The following IQCM variants were observed in gnomAD, a reference collection of about 807,000 sequenced individuals.
IQCM encodes the protein IQ motif containing M.
A neutral mutation model predicts 57.6 loss-of-function variants in IQCM; 45 were observed. The ratio of observed to expected loss-of-function variants is 0.78; its 90% CI spans 0.62 to 1.00. The LOEUF is 1.00. Ranked by LOEUF, IQCM falls within the 50% of genes least tolerant of loss-of-function variation. IQCM has a pLI of 0.00. For synonymous variants in IQCM, 148 were observed against 158.9 expected, an observed-to-expected ratio of 0.93 and a Z score of 0.51; for missense variants, 468 against 511.6, an observed-to-expected ratio of 0.91 and a Z score of 0.82.
chr4:149,580,473 C>T (rs1455571884), intron 9 of IQCM, among the ~76,000 whole-genome samples: 1 of 151,706 alleles, frequency 6.6e-6, no homozygotes, highest in Non-Finnish European at 1.5e-5. Flanking sequence ...TCATGCTAAA[C>T]TCATTTTCTT....
chr4:149,660,119 T>A (rs1438446783), intron 7 of IQCM, among the ~76,000 whole-genome samples: 2 of 150,752 alleles, frequency 1.3e-5, no homozygotes, highest in Non-Finnish European at 3.0e-5. Context: ...TACAATGAAC[T>A]CAAACAAATT....
intron 13 of IQCM, among the ~76,000 whole-genome samples, chr4:149,359,167 C>T (rs553661717): frequency 6.6e-6 from 1 of 151,788 alleles, no homozygotes; most frequent in South Asian, 2.1e-4. Context: ...CTCGTTGGTC[C>T]CCAAGAACAA....
rs1428449299 is a variant in IQCM at position 149,502,000 on chromosome 4, C to T, written c.1228+46455G>A. ...ACTTCCTATAACTTTAGCTCCCTCT[C>T]GATTCACCTTAGGCTCATACACCAC... On this transcript the variant is annotated intron_variant, in intron 12 of 13. Coordinates refer to ENST00000636793, the MANE Select transcript of IQCM (RefSeq NM_001363507.2). Among the ~76,000 whole-genome samples, 7 of 152,102 alleles carry T rather than the reference C, an allele frequency of 4.6e-5. No homozygotes were observed. The South Asian group carries it at 8.3e-4, about 18-fold the overall frequency.
At chr4:149,696,524 A>G (rs181361312) in intron 5 of IQCM, among the ~76,000 whole-genome samples, 1 of 152,304 alleles carries the variant, frequency 6.6e-6, no homozygotes, top group African/African-American at 2.4e-5. Flanking sequence ...TACACCAAAG[A>G]CACCAAAACT....
chr4:149,562,607 G>C (rs2149935040), intron 10 of IQCM, among the ~76,000 whole-genome samples: 1 of 152,250 alleles, frequency 6.6e-6, no homozygotes, highest in East Asian at 1.9e-4. Flanking sequence ...CCAGCTGTTT[G>C]ACTTTGGGCA....
At chr4:149,624,365 T>A (rs1431858934) in intron 7 of IQCM, among the ~76,000 whole-genome samples, 1 of 152,220 alleles carries the variant, frequency 6.6e-6, no homozygotes, top group African/African-American at 2.4e-5. Context: ...CCCCTCACTT[T>A]CTAGCATCAT....
chr4:149,443,965 G>A (rs138064269), intron 12 of IQCM, among the ~76,000 whole-genome samples: 1 of 151,946 alleles, frequency 6.6e-6, no homozygotes, highest in East Asian at 1.9e-4. Context: ...AGGGGAGATT[G>A]ATAATTCAGG....
intron 7 of IQCM, among the ~76,000 whole-genome samples, chr4:149,622,247 C>G (rs1262802633): frequency 6.6e-6 from 1 of 151,998 alleles, no homozygotes; most frequent in Non-Finnish European, 1.5e-5. Context: ...CCATTTCAGT[C>G]AAGAGTCTCT....
chr4:149,797,112 C>T (rs1406832025), intron 2 of IQCM, among the ~76,000 whole-genome samples: 1 of 152,030 alleles, frequency 6.6e-6, no homozygotes, highest in South Asian at 2.1e-4. Flanking sequence ...GATAGGTGAC[C>T]TTTCAGACAG....
At chr4:149,615,088 T>G (rs1755668828) in intron 8 of IQCM, among the ~76,000 whole-genome samples, 1 of 152,196 alleles carries the variant, frequency 6.6e-6, no homozygotes, top group African/African-American at 2.4e-5. Context: ...ATAAGTGCAT[T>G]GATTGTCACG....
intron 12 of IQCM, among the ~76,000 whole-genome samples, chr4:149,471,250 G>A (rs1254263617): frequency 6.6e-6 from 1 of 151,796 alleles, no homozygotes; most frequent in Non-Finnish European, 1.5e-5. Context: ...AAAGAGAGAA[G>A]AATCAAATAG....
At chr4:149,712,286 C>T (rs1179112912) in intron 5 of IQCM, among the ~76,000 whole-genome samples, 1 of 152,094 alleles carries the variant, frequency 6.6e-6, no homozygotes, top group Non-Finnish European at 1.5e-5. Context: ...CTGTTTTGCA[C>T]CGGACAGTGA....
In IQCM at chr4:149,433,390, T is replaced by C. The variant is rs988378397; in HGVS notation, c.1390+6A>G. 4 of 1,188,526 alleles carry C rather than the reference T, an allele frequency of 3.4e-6. No homozygotes were observed. The highest frequency in any genetic ancestry group is 4.2e-6 in the Non-Finnish European group (4 of 948,748). The allele number at this position is 1,188,526 out of a possible 1,614,324, so 73.6% of individuals were successfully genotyped here. A position where few individuals can be genotyped will look rare whatever the true frequency, so the allele number is the denominator to read the frequency against. The stretch of plus-strand genomic sequence containing the variant: ...TTACAATAAAAAATAAGGTTCAATA[T>C]CTTACCTATATATCTATAACCTTCT... On this transcript the variant is annotated splice_donor_region_variant and intron_variant, in intron 13 of 13. Coordinates refer to ENST00000636793, the MANE Select transcript of IQCM (RefSeq NM_001363507.2).
intron 2 of IQCM, among the ~76,000 whole-genome samples, chr4:149,787,401 C>T (rs1772174456): frequency 6.6e-6 from 1 of 151,790 alleles, no homozygotes; most frequent in South Asian, 2.1e-4. Context: ...CCTAAATATC[C>T]AAGCTGGAGG....
At chr4:149,491,189 T>C (rs1742057693) in intron 12 of IQCM, among the ~76,000 whole-genome samples, 2 of 152,102 alleles carry the variant, frequency 1.3e-5, no homozygotes, top group South Asian at 4.1e-4. Flanking sequence ...AAAAAAATTG[T>C]ACATATTGTG....
chr4:149,380,467 T>C (rs1212339440), intron 13 of IQCM, among the ~76,000 whole-genome samples: 1 of 152,150 alleles, frequency 6.6e-6, no homozygotes, highest in Admixed American at 6.6e-5. Flanking sequence ...ATTTTGCTCA[T>C]AATTATTGTC....
At chr4:149,801,229 G>A (rs1773575023) in intron 2 of IQCM, among the ~76,000 whole-genome samples, 2 of 151,758 alleles carry the variant, frequency 1.3e-5, no homozygotes, top group African/African-American at 2.4e-5. Context: ...CAAAAGACAG[G>A]CAATAACAAA....
rs182662834 is a variant in IQCM at position 149,617,641 on chromosome 4, A to G, written c.681+3488T>C. ...TCCATCAAAAAAACTATTAGAACAG[A>G]TAAATGAACTCAGTAAAGTTTCAGG... On this transcript the variant is annotated intron_variant, in intron 8 of 13. Coordinates refer to ENST00000636793, the MANE Select transcript of IQCM (RefSeq NM_001363507.2). Among the ~76,000 whole-genome samples the G allele has an allele frequency of 3.8e-3, 579 of 152,338 alleles. 1 individual carries two copies. Among genetic ancestry groups the G allele is most frequent in the Non-Finnish European group, 5.7e-3 (385 of 68,044 alleles).
At chr4:149,776,011 G>A (rs1229884905) in intron 2 of IQCM, among the ~76,000 whole-genome samples, 1 of 152,096 alleles carries the variant, frequency 6.6e-6, no homozygotes, top group Non-Finnish European at 1.5e-5. Flanking sequence ...GACTAGGAGA[G>A]GTGCTCTTAC....
Sources: allele counts gnomAD v4.1 joint callset (sites outside exome capture counted in the v4.1 genomes callset), GRCh38; gene constraint gnomAD v4.1.1; transcripts MANE v1.5; gene names NCBI Gene and HGNC (gene_info 2026-07-23, HGNC 2026-07-21).